The following MTUS2 variants were observed in gnomAD, a reference collection of about 807,000 sequenced individuals.
MTUS2 encodes the protein microtubule-associated tumor suppressor candidate 2.
Under a neutral mutation model 114.1 loss-of-function variants are expected in MTUS2, and 40 were observed. The observed-to-expected ratio is 0.35, with a 90% confidence interval of 0.27 to 0.46. The LOEUF (loss-of-function observed/expected upper bound fraction) is 0.46, where lower values mean the gene tolerates loss of function less well. Ranked by LOEUF, MTUS2 falls within the 20% of genes least tolerant of loss-of-function variation. The pLI is 1.00. For synonymous variants in MTUS2, 688 were observed against 672.0 expected (o/e 1.02, Z -0.37); for missense variants, 1,679 against 1,705.4 (o/e 0.98, Z 0.27).
chr13:29,076,593 C>A (rs1269049131), intron 4 of MTUS2, among the ~76,000 whole-genome samples: 4 of 152,180 alleles, frequency 2.6e-5, no homozygotes, highest in Non-Finnish European at 5.9e-5. Flanking sequence ...TGGCTGTTGG[C>A]AGGCCTCAGT....
chr13:29,248,392 TA>T (rs993337604), intron 5 of MTUS2, among the ~76,000 whole-genome samples: 4 of 151,928 alleles, frequency 2.6e-5, no homozygotes, highest in African/African-American at 9.7e-5. Context: ...TATTGAAATA[TA>T]AAAAAAAGAA....
chr13:28,999,651 C>G (rs1885293601), intron 2 of MTUS2, among the ~76,000 whole-genome samples: 1 of 152,090 alleles, frequency 6.6e-6, no homozygotes, highest in Admixed American at 6.6e-5. Flanking sequence ...TCTCTTCTAG[C>G]TATTTTGTAA....
intron 2 of MTUS2, among the ~76,000 whole-genome samples, chr13:28,907,863 T>C (rs1006579671): frequency 1.1e-4 from 17 of 151,480 alleles, no homozygotes; most frequent in Admixed American, 2.6e-4. Flanking sequence ...AAGTTGACAG[T>C]TCTTTTCTTT....
intron 8 of MTUS2, among the ~76,000 whole-genome samples, chr13:29,367,660 T>C (rs1219487720): frequency 6.6e-6 from 1 of 152,148 alleles, no homozygotes; most frequent in African/African-American, 2.4e-5. Context: ...CCTGAGGCTG[T>C]GAACCTGACA....
At chr13:28,929,336 A>G (rs184367604) in intron 2 of MTUS2, among the ~76,000 whole-genome samples, 18 of 152,340 alleles carry the variant, frequency 1.2e-4, no homozygotes, top group African/African-American at 3.8e-4. Flanking sequence ...TTTCCAGCAT[A>G]AATAAAAGAC....
At chr13:29,036,422 C>T (rs1169472144) in intron 4 of MTUS2, among the ~76,000 whole-genome samples, 1 of 152,178 alleles carries the variant, frequency 6.6e-6, no homozygotes, top group Non-Finnish European at 1.5e-5. Context: ...ATCTAACCTC[C>T]TTACAATTAT....
At chr13:29,448,868 C>T (rs1349539963) in intron 9 of MTUS2, among the ~76,000 whole-genome samples, 1 of 151,154 alleles carries the variant, frequency 6.6e-6, no homozygotes, top group East Asian at 2.0e-4. Context: ...ATTCTCCTGC[C>T]TCAGGTTCCC....
intron 9 of MTUS2, among the ~76,000 whole-genome samples, chr13:29,469,071 T>C (rs1198537011): frequency 6.6e-6 from 1 of 152,206 alleles, no homozygotes; most frequent in African/African-American, 2.4e-5. Context: ...GGCTGAATAC[T>C]GAAGGTGCCC....
At chr13:29,260,766 G>A (rs1037800413) in intron 5 of MTUS2, among the ~76,000 whole-genome samples, 1 of 152,220 alleles carries the variant, frequency 6.6e-6, no homozygotes, top group African/African-American at 2.4e-5. Context: ...AGCTAGAGCA[G>A]TGGTTCTTAA....
chr13:29,089,157 A>G (rs144788331), intron 4 of MTUS2, among the ~76,000 whole-genome samples: 7 of 152,232 alleles, frequency 4.6e-5, no homozygotes, highest in South Asian at 2.1e-4. Flanking sequence ...GGTGGTAACA[A>G]TTTTCCCTAG....
chr13:29,158,904 G>A (rs973117182), intron 5 of MTUS2, among the ~76,000 whole-genome samples: 5 of 152,198 alleles, frequency 3.3e-5, no homozygotes, highest in Admixed American at 6.5e-5. Flanking sequence ...AAGCCCACCA[G>A]CGGGAGACTG....
intron 2 of MTUS2, among the ~76,000 whole-genome samples, chr13:28,968,357 C>G (rs896172794): frequency 1.3e-5 from 2 of 152,054 alleles, no homozygotes; most frequent in Non-Finnish European, 1.5e-5. Context: ...TATTCTGTTT[C>G]CCTACCTTGG....
At chr13:29,437,745 G>C (rs549531114) in intron 8 of MTUS2, among the ~76,000 whole-genome samples, 1 of 152,204 alleles carries the variant, frequency 6.6e-6, no homozygotes, top group Non-Finnish European at 1.5e-5. Flanking sequence ...CCAGGAATTT[G>C]TGACCATCCT....
At chr13:29,167,757 A>G (rs1309204829) in intron 5 of MTUS2, among the ~76,000 whole-genome samples, 1 of 152,166 alleles carries the variant, frequency 6.6e-6, no homozygotes, top group African/African-American at 2.4e-5. Flanking sequence ...TGCTCACTGA[A>G]GCATTTGGGG....
At chr13:28,942,186 T>G (rs1169797547) in intron 2 of MTUS2, among the ~76,000 whole-genome samples, 1 of 152,152 alleles carries the variant, frequency 6.6e-6, no homozygotes, top group Non-Finnish European at 1.5e-5. Flanking sequence ...AGAGTTGACA[T>G]GCACTTCACA....
rs1491126892 is a variant in MTUS2, at chr13:29,375,538, CGT to C, written c.3117+16068_3117+16069del. Among the ~76,000 whole-genome samples, 2 of 3,318 alleles carry C rather than the reference CGT, an allele frequency of 6.0e-4. 1 individual carries two copies. The highest frequency in any genetic ancestry group is 2.1e-3 in the African/African-American group (2 of 962). The allele number at this position is 3,318 out of a possible 152,430, so 2.2% of individuals were successfully genotyped here. A position where few individuals can be genotyped will look rare whatever the true frequency, so the allele number is the denominator to read the frequency against. On this transcript the variant is annotated intron_variant, in intron 8 of 15. Transcript: ENST00000612955. The stretch of plus-strand genomic sequence containing the variant: ...TACTATATATATATATATATATATA[CGT>C]GTATATATATATATATACGTATATA...
intron 2 of MTUS2, among the ~76,000 whole-genome samples, chr13:28,998,281 C>T (rs1252819626): frequency 2.6e-5 from 4 of 152,176 alleles, no homozygotes; most frequent in African/African-American, 4.8e-5. Context: ...GATGGGCTTC[C>T]CTTTGTGGGT....
At chr13:29,458,511 C>CT (rs139097078) in intron 9 of MTUS2, among the ~76,000 whole-genome samples, 9,845 of 152,138 alleles carry the variant, frequency 0.065, 355 homozygotes, top group African/African-American at 0.087. Context: ...GAGGTAAGTG[C>CT]TTTTTCCTTA....
chr13:29,494,828 C>A (rs1397511151), intron 12 of MTUS2, among the ~76,000 whole-genome samples: 1 of 152,048 alleles, frequency 6.6e-6, no homozygotes, highest in Non-Finnish European at 1.5e-5. Context: ...CACCTGAGGT[C>A]AGGACTTCAA....
Sources: gnomAD v4.1 joint callset for allele counts (sites outside exome capture counted in the v4.1 genomes callset) on GRCh38, gnomAD v4.1.1 for gene constraint, MANE v1.5 for transcripts, NCBI Gene and HGNC (gene_info 2026-07-23, HGNC 2026-07-21) for gene names.